NR2F1-AS1: variants seen among roughly 807,000 people sequenced by gnomAD.
NR2F1-AS1 encodes the protein NR2F1 regulatory antisense RNA 1.
intron 4 of NR2F1-AS1, chr5:93,543,148 A>G (rs1006166216): frequency 6.6e-6 from 1 of 152,314 alleles, no homozygotes; most frequent in African/African-American, 2.4e-5. Flanking sequence ...ATTATTCCTA[A>G]AAGTTATCTT....
intron 1 of NR2F1-AS1, among the ~76,000 whole-genome samples, chr5:93,578,476 G>T (rs932328738): frequency 6.6e-6 from 1 of 151,966 alleles, no homozygotes; most frequent in Non-Finnish European, 1.5e-5. Context: ...AGGAAGGGAG[G>T]CTCCCGGGAG....
chr5:93,419,224 A>G (rs1433773771), intron 4 of NR2F1-AS1, among the ~76,000 whole-genome samples: 1 of 152,210 alleles, frequency 6.6e-6, no homozygotes, highest in Non-Finnish European at 1.5e-5. Context: ...ATGTTCAGTG[A>G]AAAAAGGATG....
At chr5:93,538,328 G>T (rs1228107520) in intron 4 of NR2F1-AS1, among the ~76,000 whole-genome samples, 1 of 151,946 alleles carries the variant, frequency 6.6e-6, no homozygotes, top group Non-Finnish European at 1.5e-5. Context: ...CAAAAAATTA[G>T]CCATGCATGG....
intron 4 of NR2F1-AS1, among the ~76,000 whole-genome samples, chr5:93,540,566 A>G (rs1335864469): frequency 6.6e-6 from 1 of 152,192 alleles, no homozygotes; most frequent in Non-Finnish European, 1.5e-5. Flanking sequence ...TGAAGCCTTC[A>G]GTGTTTCCTC....
chr5:93,455,832 TACACACACACGCAC>T (rs1384808476), intron 4 of NR2F1-AS1, among the ~76,000 whole-genome samples: 2 of 144,486 alleles, frequency 1.4e-5, no homozygotes, highest in African/African-American at 5.6e-5. Context: ...CCATGTTAAC[TACACACACACGCAC>T]ACACACACAC....
chr5:93,445,163 A>G (rs1340581622), intron 4 of NR2F1-AS1, among the ~76,000 whole-genome samples: 1 of 152,198 alleles, frequency 6.6e-6, no homozygotes, highest in Non-Finnish European at 1.5e-5. Context: ...GAGCAAACAC[A>G]TTCAAAAGCT....
exon 4 of NR2F1-AS1, chr5:93,553,809 T>C (rs1752286819): frequency 6.6e-6 from 1 of 152,208 alleles, no homozygotes; most frequent in Admixed American, 6.5e-5. Flanking sequence ...TGACATAGGC[T>C]TCCTGATCTA....
intron 4 of NR2F1-AS1, among the ~76,000 whole-genome samples, chr5:93,412,247 C>T (rs1367653980): frequency 6.6e-6 from 1 of 152,202 alleles, no homozygotes; most frequent in Non-Finnish European, 1.5e-5. Context: ...CTCAGGCCCT[C>T]TTCTCCTCAG....
chr5:93,511,550 T>C (rs1284289470), intron 4 of NR2F1-AS1, among the ~76,000 whole-genome samples: 1 of 152,174 alleles, frequency 6.6e-6, no homozygotes, highest in Admixed American at 6.6e-5. Flanking sequence ...CAAAAGATTA[T>C]ATGGAACTGA....
intron 4 of NR2F1-AS1, among the ~76,000 whole-genome samples, chr5:93,424,333 T>C (rs1465504390): frequency 3.3e-5 from 5 of 150,974 alleles, no homozygotes; most frequent in Non-Finnish European, 7.4e-5. Context: ...AATTTTATAA[T>C]TTATATCAAA....
intron 4 of NR2F1-AS1, among the ~76,000 whole-genome samples, chr5:93,459,771 T>C (rs1052713393): frequency 6.6e-6 from 1 of 152,102 alleles, no homozygotes; most frequent in Admixed American, 6.6e-5. Context: ...GGAGTCTTTT[T>C]CTTGACCCAT....
At chr5:93,575,956 A>G (rs1262786700) in intron 1 of NR2F1-AS1, among the ~76,000 whole-genome samples, 1 of 152,216 alleles carries the variant, frequency 6.6e-6, no homozygotes, top group Non-Finnish European at 1.5e-5. Flanking sequence ...GTGTGCAGAG[A>G]TTCAGTTCTA....
At chr5:93,571,860 A>G (rs550180550) in intron 1 of NR2F1-AS1, among the ~76,000 whole-genome samples, 1 of 144,172 alleles carries the variant, frequency 6.9e-6, no homozygotes, top group East Asian at 1.9e-4. Flanking sequence ...AAAAGGCAAT[A>G]TGATTTTTTT....
At chr5:93,482,510 C>A (rs1750621861) in intron 4 of NR2F1-AS1, among the ~76,000 whole-genome samples, 1 of 152,046 alleles carries the variant, frequency 6.6e-6, no homozygotes, top group East Asian at 1.9e-4. Flanking sequence ...ATTTCAAGCA[C>A]AAAACTGGGC....
intron 4 of NR2F1-AS1, among the ~76,000 whole-genome samples, chr5:93,457,448 G>T (rs1459690181): frequency 2.0e-5 from 3 of 152,190 alleles, no homozygotes; most frequent in African/African-American, 7.2e-5. Context: ...AGGGTTAAGG[G>T]TAGGGTTACA....
rs1386070501 is a variant in NR2F1-AS1, at chr5:93,422,379, C to A, written n.639-26837G>T. 3 of 152,334 alleles carry A rather than the reference C, an allele frequency of 2.0e-5. No individual in the cohort carries two copies. In the East Asian group the frequency reaches 5.8e-4, roughly 29 times the overall value. The allele number at this position is 152,334 out of a possible 1,614,324, so 9.4% of individuals were successfully genotyped here. A position where few individuals can be genotyped will look rare whatever the true frequency, so the allele number is the denominator to read the frequency against. On this transcript the variant is annotated intron_variant and non_coding_transcript_variant, in intron 4 of 5. Transcript: ENST00000660523. ...AGAATGGCAGCCAGTTCAGACAAAA[C>A]CATGGGGGAGAGTTTTCAAGTCAGT...
upstream of NR2F1-AS1, among the ~76,000 whole-genome samples, chr5:93,581,908 G>GTCTCTCTCTCTC (rs368238145): frequency 2.5e-5 from 1 of 39,674 alleles, no homozygotes; most frequent in African/African-American, 1.1e-4. Flanking sequence ...CTCTCTCTGG[G>GTCTCTCTCTCTC]TCTCTCTCTC....
intron 4 of NR2F1-AS1, among the ~76,000 whole-genome samples, chr5:93,529,917 A>G (rs1425334645): frequency 6.6e-6 from 1 of 152,100 alleles, no homozygotes; most frequent in East Asian, 1.9e-4. Context: ...TCAGCTCTGT[A>G]TCCCATTTTA....
chr5:93,439,843 C>A (rs370000177), intron 4 of NR2F1-AS1, among the ~76,000 whole-genome samples: 8 of 151,910 alleles, frequency 5.3e-5, no homozygotes, highest in South Asian at 2.2e-4. Flanking sequence ...CCTATGAATT[C>A]TCTTAGCATT....
Sources: gnomAD v4.1 joint callset for allele counts (sites outside exome capture counted in the v4.1 genomes callset) on GRCh38, gnomAD v4.1.1 for gene constraint, MANE v1.5 for transcripts, NCBI Gene and HGNC (gene_info 2026-07-23, HGNC 2026-07-21) for gene names.